GLIS3: variants seen among roughly 807,000 people sequenced by gnomAD.
GLIS3 encodes GLIS family zinc finger 3.
Under a neutral mutation model 78.6 loss-of-function variants are expected in GLIS3, and 53 were observed. That is an observed-to-expected ratio of 0.67 (90% CI 0.54 to 0.85). GLIS3 has a LOEUF of 0.85. Ranked by LOEUF, GLIS3 falls within the 40% of genes least tolerant of loss-of-function variation. GLIS3 has a pLI of 0.00. For synonymous variants in GLIS3, 684 were observed against 509.9 expected, an observed-to-expected ratio of 1.34 and a Z score of -4.60; for missense variants, 1,703 against 1,231.1, an observed-to-expected ratio of 1.38 and a Z score of -5.74.
chr9:4,414,654 TGTA>T, the GLIS3 span, among the ~76,000 whole-genome samples: 2 of 152,200 alleles, frequency 1.3e-5, no homozygotes, highest in South Asian at 4.1e-4. Context: ...TTGACCAATC[TGTA>T]GTCAGGTTGC....
At chr9:4,368,490 G>A in the GLIS3 span, among the ~76,000 whole-genome samples, 1 of 152,072 alleles carries the variant, frequency 6.6e-6, no homozygotes, top group African/African-American at 2.4e-5. Context: ...GACTACAGGT[G>A]CCCACCACCA....
intron 2 of GLIS3, among the ~76,000 whole-genome samples, chr9:4,248,652 G>C (rs146818297): frequency 0.029 from 4,427 of 152,210 alleles, 226 homozygotes; most frequent in African/African-American, 0.099. Context: ...CTAGATCCTT[G>C]AGGAATCGCC....
chr9:4,436,274 G>T, the GLIS3 span, among the ~76,000 whole-genome samples: 1 of 152,074 alleles, frequency 6.6e-6, no homozygotes, highest in African/African-American at 2.4e-5. Context: ...TGGTGTTATA[G>T]AAAAATATTA....
intron 2 of GLIS3, among the ~76,000 whole-genome samples, chr9:4,236,267 G>A (rs990836530): frequency 6.6e-5 from 10 of 150,718 alleles, no homozygotes; most frequent in Non-Finnish European, 1.5e-4. Context: ...CCTTTGTTCT[G>A]AAGGTGAGAA....
intron 7 of GLIS3, among the ~76,000 whole-genome samples, chr9:3,895,318 AGAACCTTT>A (rs1321968266): frequency 6.6e-6 from 1 of 152,226 alleles, no homozygotes; most frequent in East Asian, 1.9e-4. Flanking sequence ...TATGGAACAC[AGAACCTTT>A]GAACAAAAGG....
chr9:4,417,554 G>C, the GLIS3 span, among the ~76,000 whole-genome samples: 13 of 152,042 alleles, frequency 8.6e-5, no homozygotes, highest in Non-Finnish European at 1.9e-4. Context: ...TTGCTGTTTT[G>C]TAATGTCAAC....
At chr9:4,017,351 G>C (rs920600125) in intron 4 of GLIS3, among the ~76,000 whole-genome samples, 6 of 152,136 alleles carry the variant, frequency 3.9e-5, no homozygotes, top group Admixed American at 3.3e-4. Flanking sequence ...ACCAACACAA[G>C]ATGTAATTTG....
chr9:3,877,884 A>C (rs1328233754), intron 8 of GLIS3, among the ~76,000 whole-genome samples: 1 of 151,998 alleles, frequency 6.6e-6, no homozygotes, highest in Admixed American at 6.6e-5. Context: ...CTGTAATGTC[A>C]ATCTGATTGT....
intron 4 of GLIS3, among the ~76,000 whole-genome samples, chr9:4,075,602 G>T (rs952374339): frequency 2.6e-5 from 4 of 151,966 alleles, no homozygotes; most frequent in Admixed American, 2.0e-4. Context: ...AAACAAAAAA[G>T]ATATTCGATA....
chr9:4,156,620 G>A (rs557849310), intron 2 of GLIS3, among the ~76,000 whole-genome samples: 5 of 152,160 alleles, frequency 3.3e-5, no homozygotes, highest in Non-Finnish European at 4.4e-5. Flanking sequence ...CCCACTGGAA[G>A]ATAAAATATC....
intron 2 of GLIS3, among the ~76,000 whole-genome samples, chr9:4,261,311 G>A (rs191755274): frequency 6.6e-6 from 1 of 152,144 alleles, no homozygotes; most frequent in African/African-American, 2.4e-5. Context: ...TGAGACGTGG[G>A]ACTTGATACT....
At chr9:4,178,748 A>T (rs970924132) in intron 2 of GLIS3, among the ~76,000 whole-genome samples, 1 of 152,248 alleles carries the variant, frequency 6.6e-6, no homozygotes, top group African/African-American at 2.4e-5. Context: ...GTTGATCAGA[A>T]GTCTTTCACT....
In GLIS3 at chr9:4,149,924, T is replaced by G. The variant is rs80136635; in HGVS notation, c.389-23983A>C. ...TATCTTATCTGCACTTGCATATATC[T>G]TACTACAAAAGGGATTTACTAACTT... On this transcript the variant is annotated intron_variant, in intron 2 of 10. Transcript: ENST00000381971. Among the ~76,000 whole-genome samples, 810 of 152,348 alleles carry G rather than the reference T, an allele frequency of 5.3e-3. 8 individuals carry two copies. Among genetic ancestry groups the G allele is most frequent in the African/African-American group, 0.019 (785 of 41,576 alleles).
At chr9:3,956,065 A>T (rs1588309596) in intron 4 of GLIS3, among the ~76,000 whole-genome samples, 1 of 151,922 alleles carries the variant, frequency 6.6e-6, no homozygotes, top group South Asian at 2.1e-4. Context: ...AAAAAAGAAA[A>T]GAATTCTTCA....
At chr9:4,264,503 T>G (rs1415752648) in intron 2 of GLIS3, among the ~76,000 whole-genome samples, 1 of 152,194 alleles carries the variant, frequency 6.6e-6, no homozygotes, top group African/African-American at 2.4e-5. Flanking sequence ...CCTATCACAC[T>G]TGAAATCTCT....
chr9:4,118,758 G>T lies in GLIS3; in HGVS notation c.720C>A (p.His240Gln), dbSNP rs752839353. The change falls in exon 4 of 11, where the codon CAC becomes CAA. Residue 240 changes from histidine (H) to glutamine (Q), a missense_variant. Transcript: ENST00000381971. The surrounding 1 kb of genome is among the most constrained non-coding windows in gnomAD (Gnocchi z 4.7). ...CTAGATCAAGGCCATTCTGAGAGCC[G>T]TGGTTGGAGAGCGAAGGGAGGGCCC... The part of the protein sequence containing the change: ...GYRALPSLSN[H>Q]GSQNGLDLGD... The T allele has an allele frequency of 1.2e-6, 2 of 1,613,792 alleles. No homozygotes were observed.
intron 4 of GLIS3, among the ~76,000 whole-genome samples, chr9:4,013,454 G>A (rs531446615): frequency 3.3e-5 from 5 of 152,312 alleles, no homozygotes; most frequent in Middle Eastern, 3.4e-3. Flanking sequence ...TGTCCTTGGA[G>A]ATTCATTGTT....
the GLIS3 span, among the ~76,000 whole-genome samples, chr9:4,490,025 G>C: frequency 6.6e-6 from 1 of 152,336 alleles, no homozygotes; most frequent in South Asian, 2.1e-4. Flanking sequence ...AGCCGAGCAA[G>C]AGGGACCCAA....
intron 4 of GLIS3, among the ~76,000 whole-genome samples, chr9:3,951,803 C>A (rs1816696787): frequency 1.4e-5 from 2 of 146,794 alleles, no homozygotes; most frequent in South Asian, 4.3e-4. Flanking sequence ...GCAACCTCAA[C>A]AGGGAAAAGA....
Sources: gnomAD v4.1 joint callset for allele counts (sites outside exome capture counted in the v4.1 genomes callset) on GRCh38, gnomAD v4.1.1 for gene constraint, Gnocchi (gnomAD v3.1) non-coding constraint, MANE v1.5 for transcripts, NCBI Gene and HGNC (gene_info 2026-07-23, HGNC 2026-07-21) for gene names.